The following TMEM63A variants were observed in gnomAD, a reference collection of about 807,000 sequenced individuals.
The protein encoded by TMEM63A is mechanosensitive cation channel TMEM63A.
Under a neutral mutation model 100.6 loss-of-function variants are expected in TMEM63A, and 76 were observed. The observed-to-expected ratio is 0.76, with a 90% CI of 0.63 to 0.91. TMEM63A has a LOEUF of 0.91. Ranked by LOEUF, TMEM63A falls within the 40% of genes least tolerant of loss-of-function variation. The probability of loss-of-function intolerance (pLI) is 0.00; values close to 1 mark genes in which losing one functional copy is unlikely to be tolerated. For missense variants in TMEM63A, 876 were observed against 1,008.8 expected, an observed-to-expected ratio of 0.87 and a Z score of 1.78; for synonymous variants, 401 against 401.1, an observed-to-expected ratio of 1.00 and a Z score of 0.00.
downstream of TMEM63A, chr1:225,841,037 ACT>A (rs1668359243): frequency 6.6e-6 from 1 of 152,210 alleles, no homozygotes; most frequent in Admixed American, 6.5e-5. Context: ...CTTCAAAAGA[ACT>A]TGTGAACATT....
intron 18 of TMEM63A, among the ~76,000 whole-genome samples, chr1:225,854,572 T>C (rs941812483): frequency 6.6e-6 from 1 of 152,010 alleles, no homozygotes; most frequent in Non-Finnish European, 1.5e-5. Context: ...ATGGGGAAAG[T>C]TGTAGAGTAG....
chr1:225,856,850 C>T (rs1476660181), intron 16 of TMEM63A, 61 bp downstream of exon 16: 2 of 1,589,696 alleles, frequency 1.3e-6, no homozygotes, highest in Admixed American at 1.8e-5. Context: ...AGGGTGTGGA[C>T]AAGGGAGCGG....
Position 225,856,906 on chromosome 1 carries a change from C to T in TMEM63A, c.1484+5G>A. 1 of 1,610,166 alleles carries T rather than the reference C, an allele frequency of 6.2e-7. No individual in the cohort carries two copies. Among genetic ancestry groups the T allele is most frequent in the Non-Finnish European group, 8.5e-7 (1 of 1,178,794 alleles). ...GGCAGGGCCTCGGGGCTCCCGGGCACTCACTTGGTCCAGTGAGACTCCAGC... is the reference window on the plus strand; with the variant it reads ...GGCAGGGCCTCGGGGCTCCCGGGCATTCACTTGGTCCAGTGAGACTCCAGC... On this transcript the variant is annotated splice_donor_5th_base_variant and intron_variant, in intron 16 of 24. Coordinates refer to ENST00000366835, the MANE Select transcript of TMEM63A (RefSeq NM_014698.3).
In TMEM63A at chr1:225,846,270, C is replaced by A. The variant is rs1559030118; in HGVS notation, c.*669G>T. On this transcript the variant is annotated 3_prime_UTR_variant, in exon 25 of 25. Transcript: ENST00000366835. ...TGGAGGTGCAGACTCATGCACTCAG[C>A]CCTGAAGAGGTGAGAGAGGCTGGAT... The A allele has an allele frequency of 1.3e-5, 2 of 152,616 alleles. No homozygotes were observed. The highest frequency in any genetic ancestry group is 1.5e-5 in the Non-Finnish European group (1 of 68,358). 9.5% of individuals were successfully genotyped at this position (152,616 alleles called of 1,614,324 possible). A position where few individuals can be genotyped will look rare whatever the true frequency, so the allele number is the denominator to read the frequency against.
intron 20 of TMEM63A, 40 bp from the exon 21 acceptor site, chr1:225,850,119 C>A (rs1669246058): frequency 6.2e-7 from 1 of 1,608,274 alleles, no homozygotes; most frequent in Non-Finnish European, 8.5e-7. Context: ...CCTCGCAGGG[C>A]CACACAGACA....
In TMEM63A at chr1:225,845,829, GCCCAGGCCC is replaced by G. The variant is rs1224638293; in HGVS notation, c.*1101_*1109del. ...TCCCTGAGTGAGAAGGCCCAGATAAGCCCAGGCCCCCCAGGCCAGCGGACAGGCACAGGC... is the reference window on the plus strand; with the variant it reads ...TCCCTGAGTGAGAAGGCCCAGATAAGCCCAGGCCAGCGGACAGGCACAGGC... On this transcript the variant is annotated 3_prime_UTR_variant, in exon 25 of 25. Coordinates refer to ENST00000366835, the MANE Select transcript of TMEM63A (RefSeq NM_014698.3). 1 of 224,678 alleles carries G rather than the reference GCCCAGGCCC, an allele frequency of 4.5e-6. No individual in the cohort carries two copies. The allele number at this position is 224,678 out of a possible 1,614,324, so 13.9% of individuals were successfully genotyped here.
chr1:225,870,338 G>A (rs922368694), intron 6 of TMEM63A, among the ~76,000 whole-genome samples: 1 of 130,174 alleles, frequency 7.7e-6, no homozygotes, highest in Non-Finnish European at 1.6e-5. Context: ...GGCGACAAGA[G>A]CGAAACTCGG....
At position 225,865,486 on chromosome 1, in the gene TMEM63A, G is replaced by A. The variant is rs867708561; in HGVS notation, c.746+411C>T. 7.9e-5 allele frequency: 13 copies of A among 164,120 alleles called. No homozygotes were observed. The highest frequency in any genetic ancestry group is 1.3e-4 in the Non-Finnish European group (10 of 74,540). 10.2% of individuals were successfully genotyped at this position (164,120 alleles called of 1,614,324 possible). A position where few individuals can be genotyped will look rare whatever the true frequency, so the allele number is the denominator to read the frequency against. On this transcript the variant is annotated intron_variant, in intron 10 of 24. Transcript: ENST00000366835. The surrounding 1 kb of genome is among the most constrained non-coding windows in gnomAD (Gnocchi z 4.6). Reference sequence around the variant, plus strand: ...AACGAACAAACGCAGAGATGGCCCCGAGGTCCTTCCACCTGTGAGACCCTA... The same window carrying A: ...AACGAACAAACGCAGAGATGGCCCCAAGGTCCTTCCACCTGTGAGACCCTA...
At chr1:225,855,146 C>A (rs367734279) in intron 18 of TMEM63A, among the ~76,000 whole-genome samples, 2 of 152,200 alleles carry the variant, frequency 1.3e-5, no homozygotes, top group East Asian at 3.8e-4. Flanking sequence ...TAAGCACATT[C>A]TTTTAGGAAA....
chr1:225,846,879 C>A lies in TMEM63A; in HGVS notation c.*60G>T. 1 of 898,088 alleles carries A rather than the reference C, an allele frequency of 1.1e-6. No homozygotes were observed. The highest frequency in any genetic ancestry group is 1.6e-6 in the Non-Finnish European group (1 of 621,408). The allele number at this position is 898,088 out of a possible 1,614,324, so 55.6% of individuals were successfully genotyped here. On this transcript the variant is annotated 3_prime_UTR_variant, in exon 25 of 25. Transcript: ENST00000366835. ...GCAGTCCCAACGCATTCCCACTCAG[C>A]CAAGGGCCTGAGCCCCAGGCCATTC...
At chr1:225,880,425 G>A (rs1671032453) in intron 1 of TMEM63A, among the ~76,000 whole-genome samples, 1 of 152,202 alleles carries the variant, frequency 6.6e-6, no homozygotes. Flanking sequence ...AGTGCTGCCA[G>A]GCTGAGGAGA....
At chr1:225,850,129 A>C in intron 20 of TMEM63A, 50 bp from the exon 21 acceptor site, 1 of 1,593,856 alleles carries the variant, frequency 6.3e-7, no homozygotes, top group Non-Finnish European at 8.6e-7. Context: ...CCACACAGAC[A>C]CCTCTGTCCT....
intron 18 of TMEM63A, among the ~76,000 whole-genome samples, chr1:225,855,513 GC>G (rs1195519452): frequency 6.6e-6 from 1 of 152,034 alleles, no homozygotes; most frequent in Non-Finnish European, 1.5e-5. Flanking sequence ...AGGCATCCTG[GC>G]TGCCATCTTT....
At position 225,865,931 on chromosome 1, in the gene TMEM63A, C is replaced by T. The variant is rs759422312; in HGVS notation, c.712G>A (p.Asp238Asn). Residue 238 changes from aspartate to asparagine, a missense_variant, in exon 10 of 25, where the codon GAT becomes AAT. Physicochemically the swap from Asp to Asn is conservative, Grantham distance 23. This residue lies in a region of TMEM63A where 487 missense variants were observed against 581.9 expected (regional missense o/e 0.84). Transcript: ENST00000366835. The surrounding 1 kb of genome is among the most constrained non-coding windows in gnomAD (Gnocchi z 4.6). ...CTCTCCACAGTCTCCTTCCTGGCAT[C>T]TCTGGGGAGTCCTGTGATGAACAGG... ...RTLFITGLPR[D>N]ARKETVESHF... 1.8e-5 allele frequency: 29 copies of T among 1,613,938 alleles called. No homozygotes were observed. Among genetic ancestry groups the T allele is most frequent in the Admixed American group, 1.5e-4 (9 of 60,004 alleles).
downstream of TMEM63A, chr1:225,842,377 A>C (rs1267395065): frequency 1.2e-6 from 2 of 1,612,972 alleles, no homozygotes; most frequent in Non-Finnish European, 1.7e-6. Context: ...CTCTGCTCTG[A>C]ATGACTCTCC....
At position 225,847,031 on chromosome 1, in the gene TMEM63A, C is replaced by T. The variant is rs762288273; in HGVS notation, c.*6+3G>A. The T allele has an allele frequency of 1.9e-6, 3 of 1,604,494 alleles. No homozygotes were observed. The highest frequency in any genetic ancestry group is 2.2e-5 in the South Asian group (2 of 90,402). ...CCTGAGCCTGGCCCAGCCAGCAGCT[C>T]ACCCAGCCTCAGGCCTCCTGGGGGG... On this transcript the variant is annotated splice_donor_region_variant and intron_variant, in intron 24 of 24. Coordinates refer to ENST00000366835, the MANE Select transcript of TMEM63A (RefSeq NM_014698.3).
chr1:225,850,539 C>T (rs866736143), intron 20 of TMEM63A, among the ~76,000 whole-genome samples: 2 of 152,258 alleles, frequency 1.3e-5, no homozygotes, highest in South Asian at 2.1e-4. Flanking sequence ...CATGATTGCT[C>T]GCTATTCAGG....
chr1:225,871,206 CCT>C, intron 5 of TMEM63A, 93 bp from the exon 6 acceptor site: 1 of 1,315,768 alleles, frequency 7.6e-7, no homozygotes, highest in Non-Finnish European at 1.1e-6. Context: ...AACCATTTAA[CCT>C]CCTGTTGTAT....
chr1:225,849,088 G>A, intron 21 of TMEM63A, 76 bp from the exon 22 acceptor site: 1 of 1,163,086 alleles, frequency 8.6e-7, no homozygotes, highest in Non-Finnish European at 1.2e-6. Flanking sequence ...TGAGGAAGGG[G>A]CCGCACCTGG....
Sources: allele counts gnomAD v4.1 joint callset (sites outside exome capture counted in the v4.1 genomes callset), GRCh38; gene constraint gnomAD v4.1.1; regional missense constraint gnomAD v4.1.1; non-coding constraint Gnocchi (gnomAD v3.1); transcripts MANE v1.5; gene names NCBI Gene and HGNC (gene_info 2026-07-23, HGNC 2026-07-21).